ATP6V1A: variants seen among roughly 807,000 people sequenced by gnomAD.
ATP6V1A encodes the protein V-type proton ATPase catalytic subunit A.
In ATP6V1A, 18 loss-of-function variants were observed where a neutral mutation model predicts 70.1. The observed-to-expected ratio is 0.26, with a 90% CI of 0.18 to 0.38. The LOEUF is 0.38. Among genes scored for constraint, ATP6V1A ranks in the 10% least tolerant of loss-of-function variants. ATP6V1A has a pLI of 1.00. For synonymous variants in ATP6V1A, 232 were observed against 253.8 expected, an observed-to-expected ratio of 0.91 and a Z score of 0.82; for missense variants, 424 against 772.4, an observed-to-expected ratio of 0.55 and a Z score of 5.35.
chr3:113,753,776 A>G (rs1577078870), intron 1 of ATP6V1A, among the ~76,000 whole-genome samples: 1 of 150,938 alleles, frequency 6.6e-6, no homozygotes, highest in East Asian at 1.9e-4. Flanking sequence ...GCTCACTGCA[A>G]CTTCCTCCTC....
At chr3:113,747,154 G>C (rs140613500) in intron 1 of ATP6V1A, 41 bp downstream of exon 1, 2 of 152,782 alleles carry the variant, frequency 1.3e-5, no homozygotes, top group African/African-American at 4.8e-5. Flanking sequence ...GGGGATAGAG[G>C]GGGTGGAAGG....
chr3:113,809,907 T>G lies in ATP6V1A; in HGVS notation c.*480T>G, dbSNP rs1011937553. The G allele has an allele frequency of 1.3e-5, 2 of 152,334 alleles. No homozygotes were observed. The highest frequency in any genetic ancestry group is 4.8e-5 in the African/African-American group (2 of 41,468). The allele number at this position is 152,334 out of a possible 1,614,324, so 9.4% of individuals were successfully genotyped here. A position where few individuals can be genotyped will look rare whatever the true frequency, so the allele number is the denominator to read the frequency against. On this transcript the variant is annotated 3_prime_UTR_variant, in exon 15 of 15. Coordinates refer to ENST00000273398, the MANE Select transcript of ATP6V1A (RefSeq NM_001690.4). ...CTTAGCATTTTGCAAAGGAATTGCT[T>G]TGCAGGAAATATTTAATTTTCAAAA...
At chr3:113,763,665 A>G (rs768795918) in intron 1 of ATP6V1A, among the ~76,000 whole-genome samples, 1 of 152,066 alleles carries the variant, frequency 6.6e-6, no homozygotes, top group Non-Finnish European at 1.5e-5. Flanking sequence ...CTAATACCAT[A>G]TTTTGTTGTT....
At chr3:113,806,927 A>T (rs1178729604) in intron 14 of ATP6V1A, among the ~76,000 whole-genome samples, 1 of 152,046 alleles carries the variant, frequency 6.6e-6, no homozygotes, top group Non-Finnish European at 1.5e-5. Flanking sequence ...ATATTTACTA[A>T]CCACCTACTG....
chr3:113,760,360 C>G (rs115642623), intron 1 of ATP6V1A, among the ~76,000 whole-genome samples: 2,027 of 152,308 alleles, frequency 0.013, 41 homozygotes, highest in African/African-American at 0.046. Flanking sequence ...ATGTAACACT[C>G]TCTTCTAAAC....
intron 6 of ATP6V1A, 77 bp from the exon 7 acceptor site, chr3:113,788,636 A>C: frequency 6.9e-7 from 1 of 1,440,642 alleles, no homozygotes; most frequent in Non-Finnish European, 9.5e-7. Context: ...GGCGTGAGCC[A>C]CCGCGCCCGG....
intron 1 of ATP6V1A, 186 bp downstream of exon 1, chr3:113,747,299 T>C (rs1046743869): frequency 6.6e-6 from 1 of 152,292 alleles, no homozygotes; most frequent in African/African-American, 2.4e-5. Context: ...TCGTTCCCGC[T>C]ACTTGGGGAT....
At chr3:113,775,373 G>A (rs1048456447) in intron 1 of ATP6V1A, among the ~76,000 whole-genome samples, 19 of 151,832 alleles carry the variant, frequency 1.3e-4, no homozygotes, top group Non-Finnish European at 2.8e-4. Context: ...GGAATTACAG[G>A]CGCCCACCAC....
At chr3:113,752,521 T>C (rs923070220) in intron 1 of ATP6V1A, among the ~76,000 whole-genome samples, 2 of 152,048 alleles carry the variant, frequency 1.3e-5, no homozygotes, top group Non-Finnish European at 2.9e-5. Flanking sequence ...TAATTTGATA[T>C]GGAAAATTAA....
intron 3 of ATP6V1A, 51 bp downstream of exon 3, chr3:113,781,229 G>A: frequency 6.4e-7 from 1 of 1,557,164 alleles, no homozygotes. Context: ...CAAAATTTAA[G>A]GATTTAGGCC....
At chr3:113,758,337 ACACACATGAAGCCAG>A (rs562430928) in intron 1 of ATP6V1A, among the ~76,000 whole-genome samples, 14 of 152,204 alleles carry the variant, frequency 9.2e-5, no homozygotes, top group Non-Finnish European at 2.1e-4. Flanking sequence ...ATATATGTAT[ACACACATGAAGCCAG>A]CACTGTAATC....
Position 113,809,384 on chromosome 3 carries a change from T to A in ATP6V1A, c.1811T>A (p.Leu604His). ...EAKIKSDYAQ[L>H]LEDMQNAFRS... ...AAGATCAAAAGCGACTATGCACAAC[T>A]TCTTGAAGACATGCAGAATGCATTC... Residue 604 changes from leucine (L) to histidine (H), a missense_variant, in exon 15 of 15, where the codon CTT (leucine) becomes CAT (histidine). Leu to His is a moderately conservative substitution (Grantham distance 99). Around this residue, in one of 9 missense-constraint regions of ATP6V1A, gnomAD observed 127 missense variants for 207.9 expected, o/e 0.61. Coordinates refer to ENST00000273398, the MANE Select transcript of ATP6V1A (RefSeq NM_001690.4). 6.2e-7 allele frequency: 1 copy of A among 1,613,972 alleles called. No individual in the cohort carries two copies. The highest frequency in any genetic ancestry group is 1.1e-5 in the South Asian group (1 of 91,072).
Position 113,809,328 on chromosome 3 carries a change from C to T in ATP6V1A, c.1762-7C>T. The T allele has an allele frequency of 6.2e-7, 1 of 1,607,774 alleles. No individual in the cohort carries two copies. Among genetic ancestry groups the T allele is most frequent in the Non-Finnish European group, 8.5e-7 (1 of 1,176,408 alleles). ...ATGCGAGTTGAATTTGTAATGTCTT[C>T]TTTCAGGATCCACTGAAAGATGGTG... On this transcript the variant is annotated splice_region_variant and splice_polypyrimidine_tract_variant and intron_variant, in intron 14 of 14. Coordinates refer to ENST00000273398, the MANE Select transcript of ATP6V1A (RefSeq NM_001690.4).
chr3:113,798,320 G>A lies in ATP6V1A; in HGVS notation c.1368G>A (p.Lys456=). ...PSVNWLISYS[K]YMRALDEYYD... Reference sequence around the variant, plus strand: ...TCAATTGGCTCATCAGCTACAGCAAGTATATGCGTGCCTTGGATGAATACT... The same window carrying A: ...TCAATTGGCTCATCAGCTACAGCAAATATATGCGTGCCTTGGATGAATACT... Residue 456 remains lysine, a synonymous_variant, in exon 12 of 15, where the codon AAG becomes AAA. Transcript: ENST00000273398. The A allele has an allele frequency of 2.5e-6, 4 of 1,613,956 alleles. No homozygotes were observed. Among genetic ancestry groups the A allele is most frequent in the Non-Finnish European group, 3.4e-6 (4 of 1,179,990 alleles).
chr3:113,760,180 G>C (rs1397432223), intron 1 of ATP6V1A, among the ~76,000 whole-genome samples: 1 of 152,172 alleles, frequency 6.6e-6, no homozygotes, highest in Admixed American at 6.5e-5. Context: ...CTTGTCCTCT[G>C]AATTGAAAAT....
chr3:113,787,913 TTCTC>T lies in ATP6V1A; in HGVS notation c.717-794_717-791del, dbSNP rs199650667. ...TAAACCGTCTCCTATCTCTCTCTCT[TTCTC>T]TCTCTGTCTCTCGCTTTTTAAGAGA... On this transcript the variant is annotated intron_variant, in intron 6 of 14. Transcript: ENST00000273398. Among the ~76,000 whole-genome samples, 1,104 of 152,258 alleles carry T rather than the reference TTCTC, an allele frequency of 7.3e-3. 6 individuals are homozygous for T. The highest frequency in any genetic ancestry group is 0.012 in the Non-Finnish European group (828 of 68,028).
chr3:113,804,004 CGTT>C lies in ATP6V1A; in HGVS notation c.1589+334_1589+336del, dbSNP rs563702411. 1.7e-4 allele frequency among the ~76,000 whole-genome samples: 26 copies of C among 152,176 alleles called. No individual in the cohort carries two copies. The East Asian group carries it at 3.3e-3, about 19-fold the overall frequency. On this transcript the variant is annotated intron_variant, in intron 13 of 14. Transcript: ENST00000273398. ...TGCCCATGTCTCCTTTACTCTCTTA[CGTT>C]GTTGTTTTGAGACAGGGTCTCACTC...
intron 10 of ATP6V1A, 36 bp downstream of exon 10, chr3:113,795,240 A>C (rs1158124033): frequency 6.3e-7 from 1 of 1,594,688 alleles, no homozygotes; most frequent in South Asian, 1.1e-5. Flanking sequence ...CAAAAGGAAA[A>C]AAGTCACAGA....
chr3:113,780,940 A>G (rs1577088509), intron 2 of ATP6V1A, 110 bp from the exon 3 acceptor site: 1 of 1,413,822 alleles, frequency 7.1e-7, no homozygotes, highest in East Asian at 2.5e-5. Flanking sequence ...CCTTCTTATG[A>G]ATATATGAGA....
Sources: allele counts gnomAD v4.1 joint callset (sites outside exome capture counted in the v4.1 genomes callset), GRCh38; gene constraint gnomAD v4.1.1; regional missense constraint gnomAD v4.1.1; transcripts MANE v1.5; gene names NCBI Gene and HGNC (gene_info 2026-07-23, HGNC 2026-07-21).